PDXDC1: variants seen among roughly 807,000 people sequenced by gnomAD.
PDXDC1 encodes the protein pyridoxal-dependent decarboxylase domain-containing protein 1.
Under a neutral mutation model 100.1 loss-of-function variants are expected in PDXDC1, and 42 were observed. The observed-to-expected ratio is 0.42, with a 90% CI of 0.33 to 0.54. The LOEUF is 0.54. Ranked by LOEUF, PDXDC1 falls within the 20% of genes least tolerant of loss-of-function variation. The pLI is 0.10. For synonymous variants in PDXDC1, 260 were observed against 371.7 expected, an observed-to-expected ratio of 0.70 and a Z score of 3.46; for missense variants, 636 against 979.2, an observed-to-expected ratio of 0.65 and a Z score of 4.68.
chr16:15,007,157 C>CTTTTT lies in PDXDC1; in HGVS notation c.579+601_579+605dup, dbSNP rs56256230. Among the ~76,000 whole-genome samples the CTTTTT allele has an allele frequency of 1.6e-4, 12 of 73,958 alleles. 2 individuals carry two copies. Among genetic ancestry groups the CTTTTT allele is most frequent in the African/African-American group, 2.7e-4 (5 of 18,716 alleles). The allele number at this position is 73,958 out of a possible 152,430, so 48.5% of individuals were successfully genotyped here. A position where few individuals can be genotyped will look rare whatever the true frequency, so the allele number is the denominator to read the frequency against. On this transcript the variant is annotated intron_variant, in intron 6 of 22. Transcript: ENST00000396410. ...AGAATTGCTGGATCAAAGAGCATGA[C>CTTTTT]TTTTTTTTTTTTTTTTTTTTTTTTT... is the stretch of plus-strand genomic sequence containing the variant.
intron 16 of PDXDC1, chr16:15,103,087 G>T: frequency 2.3e-6 from 1 of 439,800 alleles, no homozygotes; most frequent in Admixed American, 3.5e-5. Context: ...CAGCCTGGGC[G>T]ACAGAGAAAG....
At chr16:15,080,724 C>T (rs1269054093) in intron 16 of PDXDC1, among the ~76,000 whole-genome samples, 1 of 152,118 alleles carries the variant, frequency 6.6e-6, no homozygotes, top group Non-Finnish European at 1.5e-5. Flanking sequence ...GCCCAGCCAG[C>T]AATTTTGTAA....
intron 14 of PDXDC1, among the ~76,000 whole-genome samples, chr16:15,028,080 G>A (rs2042760905): frequency 2.0e-5 from 3 of 152,258 alleles, no homozygotes; most frequent in Non-Finnish European, 4.4e-5. Flanking sequence ...CAAAGGCCAG[G>A]CTCTCCCATG....
intron 5 of PDXDC1, among the ~76,000 whole-genome samples, chr16:15,005,223 G>T (rs538554549): frequency 6.6e-6 from 1 of 152,040 alleles, no homozygotes; most frequent in South Asian, 2.1e-4. Flanking sequence ...GCCGGGCGTG[G>T]TAGTGAGCAC....
chr16:15,084,752 G>A (rs775307362), intron 16 of PDXDC1: 142 of 1,332,268 alleles, frequency 1.1e-4, no homozygotes, highest in Non-Finnish European at 1.3e-4. Context: ...CAAAACTGAA[G>A]GGCGACACGC....
chr16:14,989,188 T>C (rs1421989784), intron 1 of PDXDC1: 14 of 1,614,078 alleles, frequency 8.7e-6, no homozygotes, highest in Non-Finnish European at 1.1e-5. Context: ...GCCGCTGGCA[T>C]CTCCAAGAGC....
chr16:15,084,404 C>G (rs1385082387), intron 16 of PDXDC1, among the ~76,000 whole-genome samples: 1 of 152,028 alleles, frequency 6.6e-6, no homozygotes, highest in Non-Finnish European at 1.5e-5. Flanking sequence ...AGCAAAATTC[C>G]AACCACCATA....
intron 13 of PDXDC1, chr16:15,025,372 CCTTG>C (rs1478554788): frequency 6.6e-6 from 1 of 152,588 alleles, no homozygotes; most frequent in East Asian, 1.9e-4. Flanking sequence ...TTTTGTTCCT[CCTTG>C]CTTATTGGGC....
At chr16:15,086,499 C>T (rs1402219153) in intron 16 of PDXDC1, 1 of 1,607,782 alleles carries the variant, frequency 6.2e-7, no homozygotes, top group Non-Finnish European at 8.5e-7. Context: ...AATCCTCTAA[C>T]ATAACAGAAA....
At chr16:15,062,950 C>A (rs2044772678) in intron 16 of PDXDC1, among the ~76,000 whole-genome samples, 1 of 152,154 alleles carries the variant, frequency 6.6e-6, no homozygotes, top group Non-Finnish European at 1.5e-5. Flanking sequence ...GCAGCCTTGA[C>A]CTCCCACCTC....
intron 6 of PDXDC1, among the ~76,000 whole-genome samples, 189 bp from the exon 7 acceptor site, chr16:15,008,590 T>A (rs2040988884): frequency 6.9e-6 from 1 of 145,436 alleles, no homozygotes; most frequent in African/African-American, 2.4e-5. Flanking sequence ...ACTTGGAAAT[T>A]CACCCTTTTT....
At chr16:15,068,245 G>A (rs181406540) in intron 16 of PDXDC1, 14 of 1,580,782 alleles carry the variant, frequency 8.9e-6, no homozygotes, top group South Asian at 1.2e-5. Flanking sequence ...ATCACTATCC[G>A]CTCAAAATTC....
chr16:15,061,627 G>C, intron 16 of PDXDC1: 1 of 917,442 alleles, frequency 1.1e-6, no homozygotes, highest in Admixed American at 2.5e-5. Context: ...CCACAGCCGA[G>C]GCAGGCACTC....
chr16:14,998,958 A>G (rs1972577897), intron 3 of PDXDC1, among the ~76,000 whole-genome samples: 1 of 152,242 alleles, frequency 6.6e-6, no homozygotes. Flanking sequence ...AGTGGGTCAC[A>G]TCTGTAATCC....
At chr16:15,101,454 T>A (rs1350711455) in intron 16 of PDXDC1, among the ~76,000 whole-genome samples, 1 of 151,992 alleles carries the variant, frequency 6.6e-6, no homozygotes. Context: ...GTAGCTGGAA[T>A]TACAGGTGTG....
At chr16:15,054,450 C>T (rs1256305233) in intron 16 of PDXDC1, among the ~76,000 whole-genome samples, 3 of 152,224 alleles carry the variant, frequency 2.0e-5, no homozygotes, top group African/African-American at 7.2e-5. Flanking sequence ...AGTAGAGCAT[C>T]CCCTAAATTC....
intron 17 of PDXDC1, chr16:15,032,287 C>CGAAA (rs1293125322): frequency 9.3e-6 from 2 of 214,504 alleles, no homozygotes; most frequent in Non-Finnish European, 1.9e-5. Flanking sequence ...GCTGCTTTCT[C>CGAAA]GCCTTCAGAG....
intron 16 of PDXDC1, among the ~76,000 whole-genome samples, chr16:15,099,079 A>G (rs1461963579): frequency 1.3e-5 from 2 of 152,114 alleles, no homozygotes; most frequent in African/African-American, 4.8e-5. Context: ...AGCTAAGACT[A>G]AGGCTGCCAA....
Position 15,032,787 on chromosome 16 carries a change from G to C in PDXDC1, c.1572-74G>C, listed in dbSNP as rs564787877. 155 of 870,704 alleles carry C rather than the reference G, an allele frequency of 1.8e-4. No homozygotes were observed. The African/African-American group carries it at 2.2e-3, about 13-fold the overall frequency. 53.9% of individuals were successfully genotyped at this position (870,704 alleles called of 1,614,324 possible). ...CACTGCATTGTCTTGCTAATATTTAGAGGTTTCTAATCCTGTATCAGAAGA... is the reference window on the plus strand; with the variant it reads ...CACTGCATTGTCTTGCTAATATTTACAGGTTTCTAATCCTGTATCAGAAGA... On this transcript the variant is annotated intron_variant, in intron 17 of 22. Transcript: ENST00000396410.
Sources: allele counts gnomAD v4.1 joint callset (sites outside exome capture counted in the v4.1 genomes callset), GRCh38; gene constraint gnomAD v4.1.1; transcripts MANE v1.5; gene names NCBI Gene and HGNC (gene_info 2026-07-23, HGNC 2026-07-21).